RNF17: variants seen among roughly 807,000 people sequenced by gnomAD.
RNF17 encodes ring finger protein 17.
In RNF17, 31 loss-of-function variants were observed where a neutral mutation model predicts 200.5. The ratio of observed to expected loss-of-function variants is 0.15; its 90% confidence interval spans 0.12 to 0.21. RNF17 has a LOEUF of 0.21. Ranked by LOEUF, RNF17 falls within the 10% of genes least tolerant of loss-of-function variation. The pLI is 1.00. For synonymous variants in RNF17, 606 were observed against 637.8 expected (o/e 0.95, Z 0.75); for missense variants, 1,628 against 1,905.1 (o/e 0.85, Z 2.71).
chr13:24,754,590 A>G, the RNF17 span, among the ~76,000 whole-genome samples: 1 of 152,196 alleles, frequency 6.6e-6, no homozygotes, highest in African/African-American at 2.4e-5. Flanking sequence ...CCACGAATGT[A>G]TTATTCAATA....
At chr13:24,770,180 G>T (rs953330203) in intron 2 of RNF17, among the ~76,000 whole-genome samples, 1 of 152,050 alleles carries the variant, frequency 6.6e-6, no homozygotes, top group African/African-American at 2.4e-5. Flanking sequence ...ACAGATAATT[G>T]TATAATCTTG....
intron 18 of RNF17, among the ~76,000 whole-genome samples, chr13:24,834,363 C>T (rs145510231): frequency 0.019 from 2,937 of 152,102 alleles, 78 homozygotes; most frequent in African/African-American, 0.066. Flanking sequence ...TGCAGTGAGC[C>T]GAGATTGTGC....
intron 16 of RNF17, among the ~76,000 whole-genome samples, chr13:24,827,759 A>C (rs1888903827): frequency 1.3e-5 from 2 of 150,002 alleles, no homozygotes; most frequent in South Asian, 4.3e-4. Flanking sequence ...TCGGTTCTAG[A>C]GTCTAAAAAA....
intron 30 of RNF17, 151 bp from the exon 31 acceptor site, chr13:24,868,449 G>A (rs866172500): frequency 8.0e-5 from 32 of 397,822 alleles, no homozygotes; most frequent in South Asian, 3.4e-4. Context: ...CAGCCTGGGC[G>A]ACAGAGCGAG....
the RNF17 span, chr13:24,885,517 A>AG: frequency 5.8e-4 from 711 of 1,216,948 alleles, 4 homozygotes; most frequent in African/African-American, 4.1e-3. Context: ...TCTTTTTTAC[A>AG]CGTGGTTTAG....
chr13:24,775,296 T>C (rs941445621), intron 3 of RNF17, among the ~76,000 whole-genome samples: 1 of 152,234 alleles, frequency 6.6e-6, no homozygotes, highest in Non-Finnish European at 1.5e-5. Context: ...TCACCCAGGC[T>C]TGAGTGCAGT....
chr13:24,787,134 G>C (rs1348363126), intron 6 of RNF17, among the ~76,000 whole-genome samples: 1 of 151,634 alleles, frequency 6.6e-6, no homozygotes, highest in Non-Finnish European at 1.5e-5. Flanking sequence ...TACAATTACT[G>C]TATTTTTCAA....
In RNF17 at chr13:24,870,691, G is replaced by A. The variant is rs1894158149; in HGVS notation, c.4399G>A (p.Val1467Ile). ...SESLDEALQR[V>I]NKKVEALPPL... ...GAGCCTTGATGAAGCACTGCAGAGG[G>A]TTAATAAGAAGGTAGAGGCGCTTCC... is the stretch of plus-strand genomic sequence containing the variant. The change falls in exon 32 of 36, where the codon GTT becomes ATT. Residue 1467 changes from valine to isoleucine, a missense_variant. Around this residue, in one of 5 missense-constraint regions of RNF17, gnomAD observed 609 missense variants for 681.9 expected, o/e 0.89. Coordinates refer to ENST00000255324, the MANE Select transcript of RNF17 (RefSeq NM_031277.3). 8 of 1,614,176 alleles carry A rather than the reference G, an allele frequency of 5.0e-6. No individual in the cohort carries two copies. The highest frequency in any genetic ancestry group is 6.8e-6 in the Non-Finnish European group (8 of 1,180,018).
At chr13:24,775,137 A>G (rs1881381141) in intron 3 of RNF17, among the ~76,000 whole-genome samples, 1 of 152,250 alleles carries the variant, frequency 6.6e-6, no homozygotes, top group Non-Finnish European at 1.5e-5. Flanking sequence ...AAGGATTACC[A>G]CATCAAGAAA....
chr13:24,815,717 A>C (rs1887317816), intron 15 of RNF17, among the ~76,000 whole-genome samples: 1 of 152,096 alleles, frequency 6.6e-6, no homozygotes, highest in Non-Finnish European at 1.5e-5. Flanking sequence ...TTCCCAAATG[A>C]CCTTTACCAT....
the RNF17 span, among the ~76,000 whole-genome samples, chr13:24,888,000 A>G: frequency 6.6e-6 from 1 of 152,172 alleles, no homozygotes; most frequent in Non-Finnish European, 1.5e-5. Context: ...CCGGGCTGCC[A>G]CTCATCTATG....
chr13:24,802,695 A>G (rs1593289464), intron 14 of RNF17, 124 bp downstream of exon 14: 2 of 686,798 alleles, frequency 2.9e-6, no homozygotes, highest in East Asian at 5.6e-5. Flanking sequence ...AGTGAAAAAT[A>G]TTGCTCTTAG....
intron 15 of RNF17, among the ~76,000 whole-genome samples, chr13:24,820,121 C>CTTTTTTTT (rs200683421): frequency 4.4e-5 from 5 of 113,300 alleles, no homozygotes; most frequent in Admixed American, 1.8e-4. Context: ...TTTCTTTTTT[C>CTTTTTTTT]TTTTTTTTTT....
chr13:24,870,209 AG>A (rs1420566484), intron 31 of RNF17, among the ~76,000 whole-genome samples: 2 of 152,040 alleles, frequency 1.3e-5, no homozygotes, highest in Non-Finnish European at 2.9e-5. Flanking sequence ...GGCCTCCAAA[AG>A]TGCTGGGATT....
chr13:24,777,745 G>T (rs1267706158), intron 3 of RNF17, among the ~76,000 whole-genome samples: 1 of 152,066 alleles, frequency 6.6e-6, no homozygotes, highest in Non-Finnish European at 1.5e-5. Flanking sequence ...CAGTAATTAA[G>T]AAATTAAAAC....
intron 7 of RNF17, 37 bp downstream of exon 7, chr13:24,788,196 G>A: frequency 6.8e-7 from 1 of 1,477,888 alleles, no homozygotes; most frequent in Non-Finnish European, 9.2e-7. Context: ...TATTTCTGTG[G>A]TAGCTTATTT....
In RNF17 at chr13:24,879,105, C is replaced by A. The variant is rs1895165387; in HGVS notation, c.4774-82C>A. On this transcript the variant is annotated intron_variant, in intron 34 of 35. Coordinates refer to ENST00000255324, the MANE Select transcript of RNF17 (RefSeq NM_031277.3). ...AGGCCCCTGAGAACACCTTTTCACACCCGTGTGAATGGCCAGATATGAGAG... is the reference window on the plus strand; with the variant it reads ...AGGCCCCTGAGAACACCTTTTCACAACCGTGTGAATGGCCAGATATGAGAG... The A allele has an allele frequency of 8.0e-6, 8 of 1,004,842 alleles. No homozygotes were observed. The South Asian group carries it at 8.2e-5, about 10-fold the overall frequency. 62.2% of individuals were successfully genotyped at this position (1,004,842 alleles called of 1,614,324 possible).
At chr13:24,766,804 G>A (rs1879760629) in intron 1 of RNF17, among the ~76,000 whole-genome samples, 1 of 152,174 alleles carries the variant, frequency 6.6e-6, no homozygotes, top group Non-Finnish European at 1.5e-5. Context: ...GTAAGATATG[G>A]CAGATTCAAA....
At chr13:24,820,676 T>TC (rs2137919185) in intron 15 of RNF17, among the ~76,000 whole-genome samples, 1 of 151,866 alleles carries the variant, frequency 6.6e-6, no homozygotes, top group African/African-American at 2.4e-5. Context: ...CCTCAAGTGA[T>TC]CACCCCCCTT....
Sources: allele counts gnomAD v4.1 joint callset (sites outside exome capture counted in the v4.1 genomes callset), GRCh38; gene constraint gnomAD v4.1.1; regional missense constraint gnomAD v4.1.1; transcripts MANE v1.5; gene names NCBI Gene and HGNC (gene_info 2026-07-23, HGNC 2026-07-21).